UBE2E3: variants seen among roughly 807,000 people sequenced by gnomAD.
UBE2E3 encodes ubiquitin-conjugating enzyme E2 E3.
Under a neutral mutation model 23.6 loss-of-function variants are expected in UBE2E3, and 5 were observed. The observed-to-expected ratio is 0.21, with a 90% CI of 0.11 to 0.44. The LOEUF (loss-of-function observed/expected upper bound fraction) is 0.44, where lower values mean the gene tolerates loss of function less well. Among genes scored for constraint, UBE2E3 ranks in the 20% least tolerant of loss-of-function variants. The pLI is 0.99. For missense variants in UBE2E3, 81 were observed against 249.8 expected, an observed-to-expected ratio of 0.32 and a Z score of 4.55; for synonymous variants, 78 against 87.5, an observed-to-expected ratio of 0.89 and a Z score of 0.60.
intron 4 of UBE2E3, 128 bp downstream of exon 4, chr2:181,057,953 T>C (rs1336659988): frequency 2.1e-6 from 2 of 973,734 alleles, no homozygotes; most frequent in Middle Eastern, 2.5e-4. Flanking sequence ...ATATGGAAAT[T>C]TTCGCATAAT....
At position 181,060,741 on chromosome 2, in the gene UBE2E3, A is replaced by G. The variant is rs1165383913; in HGVS notation, c.455A>G (p.Asn152Ser). 5.6e-6 allele frequency: 9 copies of G among 1,611,396 alleles called. No individual in the cohort carries two copies. The highest frequency in any genetic ancestry group is 1.1e-5 in the South Asian group (1 of 90,952). ...ATCTGTCTGGACATCCTTAAAGACA[A>G]CTGGAGTCCCGCTTTGACTATTTCA... ...GVICLDILKD[N>S]WSPALTISKV... Residue 152 changes from asparagine to serine, a missense_variant, in exon 5 of 6, where the codon AAC becomes AGC. Physicochemically the swap from Asn to Ser is conservative, Grantham distance 46. Transcript: ENST00000410062.
chr2:181,002,925 T>G (rs1685031599), intron 3 of UBE2E3, among the ~76,000 whole-genome samples: 1 of 152,228 alleles, frequency 6.6e-6, no homozygotes, highest in Non-Finnish European at 1.5e-5. Context: ...TAACTAGATG[T>G]GAAAGGTCTG....
At chr2:181,025,211 C>G (rs561110402) in intron 3 of UBE2E3, among the ~76,000 whole-genome samples, 1 of 152,070 alleles carries the variant, frequency 6.6e-6, no homozygotes, top group African/African-American at 2.4e-5. Flanking sequence ...CTACTTTGCA[C>G]AATTATACTT....
At chr2:181,019,798 C>T (rs570924835) in intron 3 of UBE2E3, among the ~76,000 whole-genome samples, 11 of 152,152 alleles carry the variant, frequency 7.2e-5, no homozygotes, top group African/African-American at 2.2e-4. Flanking sequence ...TTAACGTAGC[C>T]TTCACCTTAC....
intron 3 of UBE2E3, among the ~76,000 whole-genome samples, chr2:180,993,858 T>C (rs1182331348): frequency 6.6e-6 from 1 of 152,164 alleles, no homozygotes; most frequent in Non-Finnish European, 1.5e-5. Flanking sequence ...CAGCAAAATA[T>C]AGAGGGTACC....
At chr2:181,046,798 A>T (rs992914341) in intron 3 of UBE2E3, among the ~76,000 whole-genome samples, 5 of 152,102 alleles carry the variant, frequency 3.3e-5, no homozygotes, top group African/African-American at 1.2e-4. Flanking sequence ...TACTCTGCCT[A>T]CCTAAAATCC....
chr2:180,988,398 C>T (rs1178888828), intron 3 of UBE2E3, among the ~76,000 whole-genome samples: 2 of 152,226 alleles, frequency 1.3e-5, no homozygotes, highest in East Asian at 3.9e-4. Flanking sequence ...CTAAAAACTT[C>T]AGGCATAGAT....
At chr2:181,035,405 T>C (rs183421389) in intron 3 of UBE2E3, among the ~76,000 whole-genome samples, 588 of 152,280 alleles carry the variant, frequency 3.9e-3, no homozygotes, top group Non-Finnish European at 6.3e-3. Context: ...TAAAATGTAT[T>C]TATAAAAAAT....
intron 3 of UBE2E3, among the ~76,000 whole-genome samples, chr2:181,049,459 T>A (rs2105471606): frequency 6.6e-6 from 1 of 152,204 alleles, no homozygotes; most frequent in Non-Finnish European, 1.5e-5. Flanking sequence ...AATGTTTTCA[T>A]CTACATTTAT....
At chr2:181,053,116 G>C (rs1213894689) in intron 3 of UBE2E3, among the ~76,000 whole-genome samples, 1 of 151,384 alleles carries the variant, frequency 6.6e-6, no homozygotes, top group Non-Finnish European at 1.5e-5. Context: ...TTTCTCCTTG[G>C]TTTATAAAGA....
intron 3 of UBE2E3, among the ~76,000 whole-genome samples, chr2:180,998,507 C>T (rs955318599): frequency 6.6e-6 from 1 of 150,868 alleles, no homozygotes; most frequent in East Asian, 1.9e-4. Context: ...CTCTGTGATG[C>T]TATGGAAGAA....
At chr2:181,018,873 A>T (rs1448844400) in intron 3 of UBE2E3, among the ~76,000 whole-genome samples, 1 of 152,118 alleles carries the variant, frequency 6.6e-6, no homozygotes, top group African/African-American at 2.4e-5. Context: ...CCTGAGTTGG[A>T]TGTCAGGATA....
chr2:181,021,477 T>TTC (rs565332415), intron 3 of UBE2E3, among the ~76,000 whole-genome samples: 1 of 132,888 alleles, frequency 7.5e-6, no homozygotes, highest in Non-Finnish European at 1.6e-5. Context: ...TTCTCTTTCT[T>TTC]TCTCTCTCTC....
intron 3 of UBE2E3, among the ~76,000 whole-genome samples, chr2:181,034,788 G>A (rs10187842): frequency 0.78 from 118,836 of 152,152 alleles, 46,688 homozygotes; most frequent in East Asian, 0.91. Flanking sequence ...TTTATATTCA[G>A]GTTTCTAAAG....
chr2:180,992,712 A>G (rs777708848), intron 3 of UBE2E3, among the ~76,000 whole-genome samples: 10 of 151,948 alleles, frequency 6.6e-5, no homozygotes, highest in Non-Finnish European at 1.5e-4. Context: ...CCCAGGCTAG[A>G]GTGAAATGGC....
intron 3 of UBE2E3, among the ~76,000 whole-genome samples, chr2:181,000,622 T>A (rs1684963630): frequency 6.6e-6 from 1 of 151,198 alleles, no homozygotes; most frequent in Non-Finnish European, 1.5e-5. Context: ...TGGCTTGATC[T>A]CAGCTCACTG....
At chr2:181,042,166 A>T (rs556465228) in intron 3 of UBE2E3, among the ~76,000 whole-genome samples, 1 of 152,320 alleles carries the variant, frequency 6.6e-6, no homozygotes, top group South Asian at 2.1e-4. Flanking sequence ...TATCCCCATC[A>T]GTCATTCTAA....
chr2:181,039,072 C>G (rs1360193404), intron 3 of UBE2E3, among the ~76,000 whole-genome samples: 4 of 150,666 alleles, frequency 2.7e-5, no homozygotes, highest in Admixed American at 2.6e-4. Context: ...TAAATTACAT[C>G]CTCCAAAATG....
chr2:181,009,203 G>A (rs1685243695), intron 3 of UBE2E3, among the ~76,000 whole-genome samples: 1 of 152,096 alleles, frequency 6.6e-6, no homozygotes, highest in Non-Finnish European at 1.5e-5. Flanking sequence ...TAATGCTAGA[G>A]TGATGTTTTC....
Sources: gnomAD v4.1 joint callset for allele counts (sites outside exome capture counted in the v4.1 genomes callset) on GRCh38, gnomAD v4.1.1 for gene constraint, MANE v1.5 for transcripts, NCBI Gene and HGNC (gene_info 2026-07-23, HGNC 2026-07-21) for gene names.